Variants in DLG2 observed in about 807,000 individuals in gnomAD.
DLG2 encodes disks large homolog 2.
DLG2 carries 45 observed loss-of-function variants against 132.5 expected under a neutral mutation model. The observed-to-expected ratio is 0.34, with a 90% confidence interval of 0.27 to 0.44. DLG2 has a LOEUF of 0.44. Among genes scored for constraint, DLG2 ranks in the 20% least tolerant of loss-of-function variants. The probability of loss-of-function intolerance (pLI) is 1.00; values close to 1 mark genes in which losing one functional copy is unlikely to be tolerated. For synonymous variants in DLG2, 424 were observed against 419.6 expected (o/e 1.01, Z -0.13); for missense variants, 1,045 against 1,196.9 (o/e 0.87, Z 1.87).
chr11:84,064,022 T>C (rs1453264049), intron 10 of DLG2, among the ~76,000 whole-genome samples: 1 of 151,610 alleles, frequency 6.6e-6, no homozygotes, highest in Admixed American at 6.6e-5. Flanking sequence ...AAATGATGAG[T>C]TAATGCATAC....
intron 17 of DLG2, among the ~76,000 whole-genome samples, chr11:83,792,896 T>C (rs898792845): frequency 4.6e-5 from 7 of 152,176 alleles, no homozygotes; most frequent in African/African-American, 1.7e-4. Context: ...TATTAATTTA[T>C]ATGCCAACAA....
chr11:85,439,606 G>A (rs1175621507), intron 3 of DLG2, among the ~76,000 whole-genome samples: 2 of 152,000 alleles, frequency 1.3e-5, no homozygotes, highest in Middle Eastern at 3.2e-3. Context: ...TGATGTACCC[G>A]CCTCGGCCTC....
chr11:84,760,799 GAGAA>G (rs778092021), intron 6 of DLG2, among the ~76,000 whole-genome samples: 3 of 152,142 alleles, frequency 2.0e-5, no homozygotes, highest in Non-Finnish European at 2.9e-5. Context: ...TGATGTGGTA[GAGAA>G]AGAGAGGAGG....
At chr11:84,947,081 G>A (rs947285561) in intron 6 of DLG2, among the ~76,000 whole-genome samples, 8 of 152,138 alleles carry the variant, frequency 5.3e-5, no homozygotes, top group African/African-American at 1.2e-4. Context: ...GCGGCCAGTC[G>A]CTGCCATTGC....
At chr11:85,209,199 C>A (rs1434190148) in intron 4 of DLG2, among the ~76,000 whole-genome samples, 1 of 152,146 alleles carries the variant, frequency 6.6e-6, no homozygotes, top group Non-Finnish European at 1.5e-5. Context: ...GAGCCTCCAA[C>A]TCTAAAATGC....
intron 18 of DLG2, among the ~76,000 whole-genome samples, chr11:83,761,216 T>C (rs1429986383): frequency 6.6e-6 from 1 of 152,152 alleles, no homozygotes; most frequent in African/African-American, 2.4e-5. Context: ...GCAGTCTCCT[T>C]AGGAGAATCT....
chr11:85,130,907 C>T lies in DLG2; in HGVS notation c.283-19172G>A, dbSNP rs138681088. Among the ~76,000 whole-genome samples the T allele has an allele frequency of 8.5e-5, 13 of 152,224 alleles. No homozygotes were observed. The East Asian group carries it at 2.5e-3, about 29-fold the overall frequency. Reference sequence around the variant, plus strand: ...ATGTCCAGCTTTTGAAGCAATCATGCATTATTTACCATTTAAATATTACAA... The same window carrying T: ...ATGTCCAGCTTTTGAAGCAATCATGTATTATTTACCATTTAAATATTACAA... On this transcript the variant is annotated intron_variant, in intron 5 of 27. Transcript: ENST00000376104.
chr11:83,710,407 C>T (rs1260319991), intron 18 of DLG2, among the ~76,000 whole-genome samples: 2 of 152,082 alleles, frequency 1.3e-5, no homozygotes, highest in East Asian at 1.9e-4. Flanking sequence ...AGTGATCCAC[C>T]CCCGCTCAGC....
At chr11:83,811,185 G>A (rs111245814) in intron 17 of DLG2, among the ~76,000 whole-genome samples, 4 of 152,218 alleles carry the variant, frequency 2.6e-5, no homozygotes, top group African/African-American at 9.6e-5. Flanking sequence ...AGGTGATGCA[G>A]ATGAAAACCC....
intron 21 of DLG2, among the ~76,000 whole-genome samples, chr11:83,530,659 C>T (rs1013916567): frequency 6.6e-6 from 1 of 151,872 alleles, no homozygotes; most frequent in Non-Finnish European, 1.5e-5. Context: ...GGCGAAAGAC[C>T]GAATGCATTT....
chr11:84,789,547 T>C (rs1303421444), intron 6 of DLG2, among the ~76,000 whole-genome samples: 1 of 152,204 alleles, frequency 6.6e-6, no homozygotes, highest in East Asian at 1.9e-4. Context: ...CCTTTATCCC[T>C]TGTGTTACAA....
chr11:85,398,793 T>A (rs1396383866), intron 3 of DLG2, among the ~76,000 whole-genome samples: 2 of 152,020 alleles, frequency 1.3e-5, no homozygotes, highest in Non-Finnish European at 2.9e-5. Context: ...AATAGCCTAC[T>A]CACCAAAAAA....
At chr11:85,602,181 A>G (rs1434391008) in intron 2 of DLG2, among the ~76,000 whole-genome samples, 1 of 152,172 alleles carries the variant, frequency 6.6e-6, no homozygotes, top group Non-Finnish European at 1.5e-5. Context: ...TCCTGAAGTC[A>G]GCATTCATTC....
At chr11:84,123,986 A>T (rs1784566503) in intron 9 of DLG2, among the ~76,000 whole-genome samples, 1 of 152,246 alleles carries the variant, frequency 6.6e-6, no homozygotes, top group Admixed American at 6.5e-5. Flanking sequence ...GCATGTAAAA[A>T]TAAAGTCGGT....
At chr11:84,100,887 G>C (rs2092464361) in intron 9 of DLG2, among the ~76,000 whole-genome samples, 1 of 152,034 alleles carries the variant, frequency 6.6e-6, no homozygotes, top group Admixed American at 6.6e-5. Flanking sequence ...CCAGAGGGTT[G>C]TTTTTACAAT....
At chr11:83,677,313 G>A (rs1222021609) in intron 18 of DLG2, among the ~76,000 whole-genome samples, 1 of 152,010 alleles carries the variant, frequency 6.6e-6, no homozygotes, top group Non-Finnish European at 1.5e-5. Flanking sequence ...AATAAATATG[G>A]CACCCATTAG....
At chr11:84,396,340 A>G (rs936063508) in intron 7 of DLG2, among the ~76,000 whole-genome samples, 6 of 152,222 alleles carry the variant, frequency 3.9e-5, no homozygotes, top group Admixed American at 3.3e-4. Context: ...GTTACCAGCA[A>G]AAGTCCTTAA....
At chr11:84,015,515 C>T (rs553344943) in intron 11 of DLG2, among the ~76,000 whole-genome samples, 2 of 152,238 alleles carry the variant, frequency 1.3e-5, no homozygotes, top group South Asian at 4.1e-4. Context: ...AGCTATTCTT[C>T]CTGATGCTCT....
intron 16 of DLG2, among the ~76,000 whole-genome samples, chr11:83,852,235 T>C (rs563705225): frequency 1.3e-4 from 20 of 152,348 alleles, no homozygotes; most frequent in African/African-American, 4.6e-4. Flanking sequence ...TGGTAGGGGC[T>C]ACGTGAGCCA....
Sources: allele counts gnomAD v4.1 joint callset (sites outside exome capture counted in the v4.1 genomes callset), GRCh38; gene constraint gnomAD v4.1.1; transcripts MANE v1.5; gene names NCBI Gene and HGNC (gene_info 2026-07-23, HGNC 2026-07-21).